Variants in STK39 observed in about 807,000 individuals in gnomAD.
STK39 encodes serine/threonine kinase 39.
In STK39, 20 loss-of-function variants were observed where a neutral mutation model predicts 77.8. The ratio of observed to expected loss-of-function variants is 0.26; its 90% CI spans 0.18 to 0.37. The LOEUF is 0.37. STK39 is among the 10% of genes least tolerant of loss of function. The pLI, the probability that STK39 is intolerant of heterozygous loss-of-function variation, is 1.00. For synonymous variants in STK39, 246 were observed against 234.1 expected (o/e 1.05, Z -0.47); for missense variants, 479 against 656.5 (o/e 0.73, Z 2.95).
intron 12 of STK39, among the ~76,000 whole-genome samples, chr2:168,070,842 T>C (rs115805874): frequency 0.02 from 3,119 of 152,232 alleles, 109 homozygotes; most frequent in African/African-American, 0.072. Flanking sequence ...AATTTTTCAA[T>C]GTGATGGCTA....
intron 10 of STK39, among the ~76,000 whole-genome samples, chr2:168,092,693 T>C (rs1172364030): frequency 6.6e-6 from 1 of 152,224 alleles, no homozygotes; most frequent in African/African-American, 2.4e-5. Flanking sequence ...CTTCTTTATC[T>C]AAGGATCTAA....
At chr2:168,134,733 T>A (rs1687788447) in intron 8 of STK39, among the ~76,000 whole-genome samples, 1 of 152,138 alleles carries the variant, frequency 6.6e-6, no homozygotes, top group African/African-American at 2.4e-5. Flanking sequence ...TGAGCTCTCA[T>A]CGTTGACAAA....
chr2:168,217,115 C>T (rs980786146), intron 1 of STK39, among the ~76,000 whole-genome samples: 2 of 152,176 alleles, frequency 1.3e-5, no homozygotes, highest in African/African-American at 4.8e-5. Flanking sequence ...TCAGTGATTA[C>T]GTGTTTCTCT....
intron 2 of STK39, among the ~76,000 whole-genome samples, chr2:168,180,959 CT>C (rs1283046350): frequency 1.3e-5 from 2 of 152,148 alleles, no homozygotes; most frequent in East Asian, 1.9e-4. Flanking sequence ...TATCCTTGTA[CT>C]TAATTTATAC....
chr2:168,152,887 T>C (rs551765733), intron 5 of STK39, among the ~76,000 whole-genome samples: 2 of 152,344 alleles, frequency 1.3e-5, no homozygotes, highest in South Asian at 4.1e-4. Context: ...GCAGGTGATC[T>C]TTTTTAAACA....
At chr2:168,164,972 T>C (rs1207349610) in intron 3 of STK39, among the ~76,000 whole-genome samples, 2 of 152,154 alleles carry the variant, frequency 1.3e-5, no homozygotes, top group African/African-American at 2.4e-5. Context: ...ACTAAGAGGA[T>C]TGAGCTTCCC....
At chr2:168,029,260 T>A (rs1297057929) in intron 14 of STK39, among the ~76,000 whole-genome samples, 2 of 152,202 alleles carry the variant, frequency 1.3e-5, no homozygotes, top group Admixed American at 6.5e-5. Flanking sequence ...TGCCTGAAAC[T>A]AAGGCAGAAA....
At chr2:167,984,745 G>A (rs190892244) in intron 16 of STK39, among the ~76,000 whole-genome samples, 2 of 151,080 alleles carry the variant, frequency 1.3e-5, no homozygotes, top group Non-Finnish European at 3.0e-5. Flanking sequence ...TTGCTGATTG[G>A]GACTGAACAT....
intron 14 of STK39, among the ~76,000 whole-genome samples, chr2:168,031,258 T>C (rs1421035212): frequency 1.3e-5 from 2 of 152,210 alleles, no homozygotes; most frequent in East Asian, 3.9e-4. Context: ...GACAAATACC[T>C]GACACTGTTT....
chr2:168,030,286 A>C (rs1684805100), intron 14 of STK39, among the ~76,000 whole-genome samples: 1 of 152,166 alleles, frequency 6.6e-6, no homozygotes, highest in Admixed American at 6.6e-5. Flanking sequence ...AGAATAGGGA[A>C]GAAGTAATTT....
chr2:168,169,631 C>T (rs868783140), intron 2 of STK39, among the ~76,000 whole-genome samples: 4 of 145,932 alleles, frequency 2.7e-5, no homozygotes, highest in East Asian at 2.0e-4. Flanking sequence ...TTGCAGTGAG[C>T]GTGTGTGTGT....
At chr2:168,040,805 A>T (rs6713035) in intron 14 of STK39, among the ~76,000 whole-genome samples, 1 of 152,112 alleles carries the variant, frequency 6.6e-6, no homozygotes, top group Admixed American at 6.5e-5. Flanking sequence ...GTATATGTTT[A>T]TCTTCTCTCC....
At chr2:168,060,862 T>C (rs1685646576) in intron 14 of STK39, among the ~76,000 whole-genome samples, 1 of 151,362 alleles carries the variant, frequency 6.6e-6, no homozygotes, top group Non-Finnish European at 1.5e-5. Context: ...CGACAGTGAA[T>C]GGTTTCCAAC....
At chr2:168,047,389 AC>A (rs747215351) in intron 14 of STK39, among the ~76,000 whole-genome samples, 2 of 152,200 alleles carry the variant, frequency 1.3e-5, no homozygotes, top group African/African-American at 2.4e-5. Flanking sequence ...TCAGAGAAAG[AC>A]TTCTCTTTCG....
In STK39 at chr2:168,167,411, T is replaced by C. The variant is rs750600579; in HGVS notation, c.322-4A>G. The C allele has an allele frequency of 2.8e-5, 45 of 1,612,698 alleles. No homozygotes were observed. The highest frequency in any genetic ancestry group is 3.6e-5 in the Non-Finnish European group (43 of 1,179,176). ...GACTCATGGCTTGAATTTCTTTCTA[T>C]AAAAAGAGCAAAACATGACATAGTA... is the stretch of plus-strand genomic sequence containing the variant. On this transcript the variant is annotated splice_polypyrimidine_tract_variant and splice_region_variant and intron_variant, in intron 2 of 17. Coordinates refer to ENST00000355999, the MANE Select transcript of STK39 (RefSeq NM_013233.3).
intron 16 of STK39, among the ~76,000 whole-genome samples, chr2:167,971,994 G>A (rs537628938): frequency 6.6e-5 from 10 of 152,340 alleles, no homozygotes; most frequent in African/African-American, 2.4e-4. Flanking sequence ...CCCATGCAAC[G>A]CCTTGGGCAG....
At chr2:168,039,215 T>A (rs1267754495) in intron 14 of STK39, among the ~76,000 whole-genome samples, 1 of 151,848 alleles carries the variant, frequency 6.6e-6, no homozygotes, top group Non-Finnish European at 1.5e-5. Flanking sequence ...ACAAAATAGA[T>A]CTCAAAATAG....
At chr2:167,995,241 C>G (rs1467569949) in intron 16 of STK39, among the ~76,000 whole-genome samples, 1 of 151,956 alleles carries the variant, frequency 6.6e-6, no homozygotes, top group Non-Finnish European at 1.5e-5. Flanking sequence ...TGCTGAGTAG[C>G]TGGGACTACA....
rs555649776 is a variant in STK39 at position 168,204,464 on chromosome 2, G to A, written c.209-22374C>T. On this transcript the variant is annotated intron_variant, in intron 1 of 17. Transcript: ENST00000355999. ...CAGAAACAAGAGTCAAGTTACAGAC[G>A]AGACCAACAGTCCCTCAACCCCTGC... Among the ~76,000 whole-genome samples the A allele has an allele frequency of 2.0e-4, 30 of 152,298 alleles. 1 individual carries two copies. The South Asian group carries it at 3.1e-3, about 16-fold the overall frequency.
Sources: allele counts gnomAD v4.1 joint callset (sites outside exome capture counted in the v4.1 genomes callset), GRCh38; gene constraint gnomAD v4.1.1; transcripts MANE v1.5; gene names NCBI Gene and HGNC (gene_info 2026-07-23, HGNC 2026-07-21).